Variants in ULK4 observed in about 807,000 individuals in gnomAD.
The protein encoded by ULK4 is inactive serine/threonine-protein kinase ULK4.
In ULK4, 133 loss-of-function variants were observed where a neutral mutation model predicts 160.6. That is an observed-to-expected ratio of 0.83 (90% CI 0.72 to 0.96). ULK4 has a LOEUF of 0.96. ULK4 is among the 40% of genes least tolerant of loss of function. The pLI is 0.00. For synonymous variants in ULK4, 534 were observed against 539.8 expected (o/e 0.99, Z 0.15); for missense variants, 1,580 against 1,499.5 (o/e 1.05, Z -0.89).
At chr3:41,598,656 C>A (rs2031853783) in intron 31 of ULK4, among the ~76,000 whole-genome samples, 1 of 151,192 alleles carries the variant, frequency 6.6e-6, no homozygotes, top group Non-Finnish European at 1.5e-5. Flanking sequence ...GAATACACAT[C>A]CACCCCCTAC....
chr3:41,578,932 C>T (rs1156925249), intron 31 of ULK4, among the ~76,000 whole-genome samples: 1 of 152,162 alleles, frequency 6.6e-6, no homozygotes, highest in South Asian at 2.1e-4. Flanking sequence ...TGAGAGTTTC[C>T]CTAAGGGCCT....
At chr3:41,393,551 G>A (rs181086823) in intron 35 of ULK4, among the ~76,000 whole-genome samples, 86 of 152,150 alleles carry the variant, frequency 5.7e-4, no homozygotes, top group Admixed American at 1.4e-3. Context: ...TGACTGTTCC[G>A]TCGGAACTTT....
intron 17 of ULK4, among the ~76,000 whole-genome samples, chr3:41,849,139 T>C (rs1275850077): frequency 1.3e-5 from 2 of 152,200 alleles, no homozygotes; most frequent in Non-Finnish European, 2.9e-5. Flanking sequence ...CTCTGAGATT[T>C]TGATGGTTTT....
At chr3:41,457,962 A>G (rs2083593838) in intron 33 of ULK4, among the ~76,000 whole-genome samples, 1 of 152,192 alleles carries the variant, frequency 6.6e-6, no homozygotes, top group African/African-American at 2.4e-5. Context: ...TTAGATGTTT[A>G]TGGTAAAATC....
chr3:41,534,000 G>C (rs1225272277), intron 32 of ULK4, among the ~76,000 whole-genome samples: 4 of 152,074 alleles, frequency 2.6e-5, no homozygotes, highest in Non-Finnish European at 5.9e-5. Context: ...GTAGAGACGG[G>C]GTTTCACCGT....
At chr3:41,639,177 A>G (rs981002643) in intron 30 of ULK4, among the ~76,000 whole-genome samples, 2 of 152,208 alleles carry the variant, frequency 1.3e-5, no homozygotes, top group Non-Finnish European at 2.9e-5. Flanking sequence ...AAAAGCAAAT[A>G]ACAGTTTCTG....
intron 35 of ULK4, among the ~76,000 whole-genome samples, chr3:41,334,592 T>C (rs1161432215): frequency 6.6e-6 from 1 of 152,180 alleles, no homozygotes; most frequent in Non-Finnish European, 1.5e-5. Flanking sequence ...GTGCAGGTAC[T>C]CCTCTCTGCT....
chr3:41,627,300 C>T (rs550425549), intron 30 of ULK4, among the ~76,000 whole-genome samples: 4 of 152,254 alleles, frequency 2.6e-5, no homozygotes, highest in Non-Finnish European at 5.9e-5. Flanking sequence ...GACATTAGCT[C>T]CCCCAAGAAT....
chr3:41,669,962 A>T (rs2035481416), intron 29 of ULK4, among the ~76,000 whole-genome samples: 1 of 152,234 alleles, frequency 6.6e-6, no homozygotes, highest in African/African-American at 2.4e-5. Context: ...GGAAGATATT[A>T]ACTTAAAATG....
At chr3:41,522,713 A>C (rs1272375300) in intron 32 of ULK4, among the ~76,000 whole-genome samples, 1 of 152,272 alleles carries the variant, frequency 6.6e-6, no homozygotes, top group African/African-American at 2.4e-5. Context: ...CAACTGCTTG[A>C]AAGTTTTTAG....
At chr3:41,387,047 G>A (rs534336089) in intron 35 of ULK4, among the ~76,000 whole-genome samples, 5 of 151,612 alleles carry the variant, frequency 3.3e-5, no homozygotes, top group Admixed American at 6.6e-5. Flanking sequence ...ATCTCTTCAG[G>A]GAATTATGTA....
At chr3:41,395,620 A>C (rs1197063115) in intron 35 of ULK4, among the ~76,000 whole-genome samples, 1 of 152,156 alleles carries the variant, frequency 6.6e-6, no homozygotes, top group Admixed American at 6.6e-5. Context: ...AGGCACTGGG[A>C]GAAGGAGGAG....
Position 41,506,807 on chromosome 3 carries a change from T to TATATATATATATATAC in ULK4, c.3227-43555_3227-43554insGTATATATATATATAT, listed in dbSNP as rs1559658299. Among the ~76,000 whole-genome samples the TATATATATATATATAC allele has an allele frequency of 1.9e-4, 21 of 110,686 alleles. 1 individual carries two copies. Among genetic ancestry groups the TATATATATATATATAC allele is most frequent in the African/African-American group, 7.2e-4 (21 of 29,162 alleles). 72.6% of individuals were successfully genotyped at this position (110,686 alleles called of 152,430 possible). A position where few individuals can be genotyped will look rare whatever the true frequency, so the allele number is the denominator to read the frequency against. On this transcript the variant is annotated intron_variant, in intron 32 of 36. Coordinates refer to ENST00000301831, the MANE Select transcript of ULK4 (RefSeq NM_017886.4). Reference sequence around the variant, plus strand: ...ATATATATATATATATATATATATATGAACATGTTTTACAATTATTTTTAC... The same window carrying TATATATATATATATAC: ...ATATATATATATATATATATATATATATATATATATATATACGAACATGTTTTACAATTATTTTTAC...
chr3:41,267,422 A>G (rs537708764), intron 35 of ULK4, among the ~76,000 whole-genome samples: 1 of 152,084 alleles, frequency 6.6e-6, no homozygotes, highest in South Asian at 2.1e-4. Flanking sequence ...ATTGGTGGGC[A>G]TTTGGGTTGG....
At chr3:41,304,229 C>T (rs1336830439) in intron 35 of ULK4, among the ~76,000 whole-genome samples, 7 of 138,104 alleles carry the variant, frequency 5.1e-5, no homozygotes, top group African/African-American at 8.5e-5. Flanking sequence ...GCCAAGATCG[C>T]GCCATTGCAC....
intron 32 of ULK4, among the ~76,000 whole-genome samples, chr3:41,503,612 C>A (rs1175163548): frequency 6.6e-6 from 1 of 152,176 alleles, no homozygotes; most frequent in Non-Finnish European, 1.5e-5. Flanking sequence ...TGGTACCCAA[C>A]CTTCTTCCAG....
At chr3:41,424,140 T>A (rs567217996) in intron 34 of ULK4, among the ~76,000 whole-genome samples, 1 of 152,024 alleles carries the variant, frequency 6.6e-6, no homozygotes, top group East Asian at 1.9e-4. Flanking sequence ...CCAGGAGGAA[T>A]TCTTCACAGG....
intron 25 of ULK4, among the ~76,000 whole-genome samples, chr3:41,706,849 ATGTGTGTGTGTGTG>A (rs749756575): frequency 2.2e-4 from 23 of 102,378 alleles, no homozygotes; most frequent in Admixed American, 4.2e-4. Context: ...AAAAAAAAAT[ATGTGTGTGTGTGTG>A]TGTGTGTGTG....
chr3:41,589,401 C>A (rs2031102523), intron 31 of ULK4, among the ~76,000 whole-genome samples: 1 of 106,440 alleles, frequency 9.4e-6, no homozygotes, highest in Non-Finnish European at 1.8e-5. Flanking sequence ...TCTGCATATG[C>A]ACAGGAAAAA....
Sources: gnomAD v4.1 joint callset for allele counts (sites outside exome capture counted in the v4.1 genomes callset) on GRCh38, gnomAD v4.1.1 for gene constraint, MANE v1.5 for transcripts, NCBI Gene and HGNC (gene_info 2026-07-23, HGNC 2026-07-21) for gene names.